The following PCDHA11 variants were observed in gnomAD, a reference collection of about 807,000 sequenced individuals.
PCDHA11 encodes the protein protocadherin alpha 11.
PCDHA11 carries 61 observed loss-of-function variants against 70.3 expected under a neutral mutation model. The ratio of observed to expected loss-of-function variants is 0.87; its 90% CI spans 0.71 to 1.07. PCDHA11 has a LOEUF of 1.07. Among genes scored for constraint, PCDHA11 ranks in the 50% least tolerant of loss-of-function variants. The probability of loss-of-function intolerance (pLI) is 0.00; values close to 1 mark genes in which losing one functional copy is unlikely to be tolerated. For missense variants in PCDHA11, 1,324 were observed against 1,237.5 expected (o/e 1.07, Z -1.05); for synonymous variants, 633 against 555.1 (o/e 1.14, Z -1.97).
At chr5:140,883,575 GGGCCAC>G (rs1239547262) in intron 1 of PCDHA11, 1 of 1,613,954 alleles carries the variant, frequency 6.2e-7, no homozygotes, top group African/African-American at 1.3e-5. Flanking sequence ...CCTTCGCTGT[GGGCCAC>G]GGCCAGCGTG....
chr5:140,977,514 A>G (rs1554238605), intron 1 of PCDHA11, among the ~76,000 whole-genome samples: 13 of 152,216 alleles, frequency 8.5e-5, no homozygotes. Context: ...CATTTTGTGA[A>G]CTTGAAAACA....
At chr5:140,963,204 A>G (rs2095745825) in intron 1 of PCDHA11, among the ~76,000 whole-genome samples, 1 of 152,104 alleles carries the variant, frequency 6.6e-6, no homozygotes, top group African/African-American at 2.4e-5. Flanking sequence ...ATGAAAAAAA[A>G]AACCTCGTGT....
rs1479921830 is a variant in PCDHA11 at position 140,876,971 on chromosome 5, G to A, written c.2391+5477G>A. The A allele has an allele frequency of 1.9e-6, 3 of 1,612,696 alleles. No homozygotes were observed. In the African/African-American group the frequency reaches 4.0e-5, roughly 22 times the overall value. On this transcript the variant is annotated intron_variant, in intron 1 of 3. Coordinates refer to ENST00000398640, the MANE Select transcript of PCDHA11 (RefSeq NM_018902.5). ...TACTCGCTGGTGGAGCGGCGGGTGG[G>A]CGAGCACGCACTGTCGAGCTACGTG...
At chr5:140,909,942 T>G (rs577556804) in intron 1 of PCDHA11, among the ~76,000 whole-genome samples, 1 of 152,304 alleles carries the variant, frequency 6.6e-6, no homozygotes, top group Non-Finnish European at 1.5e-5. Flanking sequence ...GTTACTCTGG[T>G]AAAAAGCCGT....
Position 140,884,220 on chromosome 5 carries a change from T to G in PCDHA11, c.2391+12726T>G, listed in dbSNP as rs1469726535. 4 of 1,613,408 alleles carry G rather than the reference T, an allele frequency of 2.5e-6. No homozygotes were observed. The highest frequency in any genetic ancestry group is 3.4e-6 in the Non-Finnish European group (4 of 1,179,728). On this transcript the variant is annotated intron_variant, in intron 1 of 3. Transcript: ENST00000398640. ...CCGCACCACCGCCTTCTGGTGCTGG[T>G]GAAGGACCACGGTGAGCCCGCGCTG...
intron 1 of PCDHA11, among the ~76,000 whole-genome samples, chr5:140,933,797 A>G (rs1419925900): frequency 6.6e-6 from 1 of 152,062 alleles, no homozygotes; most frequent in African/African-American, 2.4e-5. Context: ...GAAAATTTTA[A>G]TTGAGATCAA....
At chr5:140,924,732 T>TA (rs1333846222) in intron 1 of PCDHA11, among the ~76,000 whole-genome samples, 2 of 151,706 alleles carry the variant, frequency 1.3e-5, no homozygotes, top group African/African-American at 4.8e-5. Flanking sequence ...TCACCTCTAA[T>TA]AAAAATACAA....
At chr5:140,969,241 A>G (rs1554231627) in intron 1 of PCDHA11, 2 of 1,614,230 alleles carry the variant, frequency 1.2e-6, no homozygotes, top group Admixed American at 3.3e-5. Context: ...CCCAAGCAGC[A>G]GTGACTGACA....
chr5:140,944,569 G>A (rs2093670092), intron 1 of PCDHA11, among the ~76,000 whole-genome samples: 1 of 152,158 alleles, frequency 6.6e-6, no homozygotes, highest in African/African-American at 2.4e-5. Context: ...GCAACTTACT[G>A]TAGAGATCAC....
chr5:140,887,309 G>T (rs2061400609), intron 1 of PCDHA11, among the ~76,000 whole-genome samples: 1 of 152,182 alleles, frequency 6.6e-6, no homozygotes, highest in South Asian at 2.1e-4. Flanking sequence ...TGTTAGCCAG[G>T]ATAGTCTCGA....
At chr5:140,883,547 G>C in intron 1 of PCDHA11, 1 of 1,614,234 alleles carries the variant, frequency 6.2e-7, no homozygotes, top group Non-Finnish European at 8.5e-7. Flanking sequence ...GGTGGTGACC[G>C]CGCGGGACGG....
At chr5:140,943,690 CA>C (rs2093548144) in intron 1 of PCDHA11, among the ~76,000 whole-genome samples, 1 of 151,974 alleles carries the variant, frequency 6.6e-6, no homozygotes, top group Non-Finnish European at 1.5e-5. Context: ...GGGATAAGGT[CA>C]AAATATTGTG....
At chr5:140,871,624 A>G in intron 1 of PCDHA11, 130 bp downstream of exon 1, 1 of 1,409,596 alleles carries the variant, frequency 7.1e-7, no homozygotes, top group African/African-American at 1.4e-5. Context: ...TTTAGATAAC[A>G]ATGTCTGTTC....
intron 1 of PCDHA11, among the ~76,000 whole-genome samples, chr5:140,978,590 A>G (rs192815977): frequency 2.0e-4 from 31 of 152,334 alleles, no homozygotes; most frequent in African/African-American, 7.5e-4. Context: ...TGTTCCCTTA[A>G]TGGGGCACTT....
At chr5:140,888,956 G>A (rs1043287613) in intron 1 of PCDHA11, among the ~76,000 whole-genome samples, 1 of 151,722 alleles carries the variant, frequency 6.6e-6, no homozygotes, top group Non-Finnish European at 1.5e-5. Context: ...TTTTTCTTTG[G>A]CAATGTTAAT....
intron 1 of PCDHA11, among the ~76,000 whole-genome samples, chr5:140,910,646 G>T (rs1490115049): frequency 6.6e-6 from 1 of 152,158 alleles, no homozygotes; most frequent in Non-Finnish European, 1.5e-5. Flanking sequence ...TAAACCTTTT[G>T]ATCCCTTCCT....
intron 1 of PCDHA11, among the ~76,000 whole-genome samples, chr5:140,961,451 T>C (rs1307588711): frequency 1.3e-5 from 2 of 152,238 alleles, no homozygotes; most frequent in Non-Finnish European, 2.9e-5. Context: ...TACACTGTCT[T>C]GCAGCTGCCT....
intron 1 of PCDHA11, among the ~76,000 whole-genome samples, chr5:140,942,542 G>C (rs1023135030): frequency 6.6e-5 from 10 of 152,046 alleles, no homozygotes; most frequent in African/African-American, 2.4e-4. Flanking sequence ...AGTATGGTGG[G>C]GGGTAGGGGG....
At chr5:140,892,998 AT>A (rs2063775886) in intron 1 of PCDHA11, among the ~76,000 whole-genome samples, 1 of 152,170 alleles carries the variant, frequency 6.6e-6, no homozygotes, top group South Asian at 2.1e-4. Context: ...GAGAACATGT[AT>A]TTATTTTTCT....
Sources: gnomAD v4.1 joint callset for allele counts (sites outside exome capture counted in the v4.1 genomes callset) on GRCh38, gnomAD v4.1.1 for gene constraint, MANE v1.5 for transcripts, NCBI Gene and HGNC (gene_info 2026-07-23, HGNC 2026-07-21) for gene names.